SHISA9: variants seen among roughly 807,000 people sequenced by gnomAD.
SHISA9 encodes protein shisa-9.
In SHISA9, 13 loss-of-function variants were observed where a neutral mutation model predicts 38.0. The ratio of observed to expected loss-of-function variants is 0.34; its 90% CI spans 0.22 to 0.54. The LOEUF (loss-of-function observed/expected upper bound fraction) is 0.54. Ranked by LOEUF, SHISA9 falls within the 20% of genes least tolerant of loss-of-function variation. SHISA9 has a pLI of 0.91. For missense variants in SHISA9, 538 were observed against 575.8 expected, an observed-to-expected ratio of 0.93 and a Z score of 0.67; for synonymous variants, 275 against 242.0, an observed-to-expected ratio of 1.14 and a Z score of -1.27.
intron 2 of SHISA9, among the ~76,000 whole-genome samples, chr16:13,040,630 T>C (rs1320710620): frequency 6.6e-6 from 1 of 152,148 alleles, no homozygotes; most frequent in Non-Finnish European, 1.5e-5. Context: ...CATCTACTTT[T>C]CCCCCTTGCT....
At chr16:13,251,646 G>C in the SHISA9 span, among the ~76,000 whole-genome samples, 28 of 152,250 alleles carry the variant, frequency 1.8e-4, no homozygotes, top group African/African-American at 6.7e-4. Flanking sequence ...TGGTTACCAG[G>C]TCCATAAAGT....
rs1004848000 is a variant in SHISA9 at position 12,908,446 on chromosome 16, C to T, written c.563+5819C>T. ...TGCCATAAGCTTATGTGTAAATTCT[C>T]GTTTAATTTCATACCCTTCCCCCAT... On this transcript the variant is annotated intron_variant, in intron 1 of 4. Transcript: ENST00000558583. 36 of 1,550,238 alleles carry T rather than the reference C, an allele frequency of 2.3e-5. No homozygotes were observed. In the African/African-American group the frequency reaches 2.5e-4, roughly 11 times the overall value.
chr16:13,377,479 C>T, the SHISA9 span, among the ~76,000 whole-genome samples: 3 of 152,156 alleles, frequency 2.0e-5, no homozygotes, highest in Admixed American at 6.5e-5. Context: ...GCCTCTGTTA[C>T]CTGGACTGCT....
At chr16:13,290,575 TA>T in the SHISA9 span, among the ~76,000 whole-genome samples, 7 of 152,176 alleles carry the variant, frequency 4.6e-5, no homozygotes, top group Non-Finnish European at 1.0e-4. Flanking sequence ...TGAATCCAAC[TA>T]AACCATTAAG....
At position 13,233,792 on chromosome 16, in the gene SHISA9, C is replaced by T. The variant is rs374675750; in HGVS notation, c.896-1238C>T. The stretch of plus-strand genomic sequence containing the variant: ...TTGGGAGGCCAAGGTGGGAGGATTG[C>T]TTGAGCCCCGGAGTTCAAGACCAGC... On this transcript the variant is annotated intron_variant, in intron 4 of 4. Transcript: ENST00000558583. Among the ~76,000 whole-genome samples the T allele has an allele frequency of 7.2e-5, 11 of 152,292 alleles. No individual in the cohort carries two copies. The East Asian group carries it at 1.9e-3, about 27-fold the overall frequency.
At chr16:12,933,871 C>A (rs2071493358) in intron 2 of SHISA9, among the ~76,000 whole-genome samples, 1 of 151,964 alleles carries the variant, frequency 6.6e-6, no homozygotes, top group Non-Finnish European at 1.5e-5. Context: ...GAAGACTGTT[C>A]ACACAGCCAG....
chr16:13,217,061 G>A (rs2142069315), intron 4 of SHISA9, among the ~76,000 whole-genome samples: 1 of 151,628 alleles, frequency 6.6e-6, no homozygotes, highest in East Asian at 1.9e-4. Flanking sequence ...AACGAGGTCA[G>A]AGGATCGAGA....
At chr16:13,446,342 G>C in the SHISA9 span, among the ~76,000 whole-genome samples, 1 of 152,130 alleles carries the variant, frequency 6.6e-6, no homozygotes, top group Non-Finnish European at 1.5e-5. Flanking sequence ...AACATTTACT[G>C]AGTCCCTAAT....
the SHISA9 span, among the ~76,000 whole-genome samples, chr16:13,534,909 GATGA>G: frequency 6.6e-6 from 1 of 151,802 alleles, no homozygotes; most frequent in African/African-American, 2.4e-5. Flanking sequence ...CCTATATGTT[GATGA>G]TCCCAGAAAT....
chr16:13,264,323 C>A, the SHISA9 span, among the ~76,000 whole-genome samples: 1 of 151,908 alleles, frequency 6.6e-6, no homozygotes, highest in Admixed American at 6.6e-5. Context: ...TACAGGTGGA[C>A]GCCACCATGC....
chr16:13,220,066 C>T (rs2051208071), intron 4 of SHISA9, among the ~76,000 whole-genome samples: 2 of 152,170 alleles, frequency 1.3e-5, no homozygotes, highest in African/African-American at 4.8e-5. Flanking sequence ...TCAGCTACTG[C>T]CACAATAACA....
At chr16:13,087,635 T>A (rs2073727929) in intron 2 of SHISA9, among the ~76,000 whole-genome samples, 1 of 152,242 alleles carries the variant, frequency 6.6e-6, no homozygotes, top group Admixed American at 6.5e-5. Context: ...TTTTGGGAAG[T>A]GTCTGTTCAT....
the SHISA9 span, among the ~76,000 whole-genome samples, chr16:13,271,539 G>C: frequency 9.2e-5 from 14 of 152,072 alleles, no homozygotes; most frequent in African/African-American, 3.4e-4. Context: ...CCTACCATGG[G>C]ATATTCTTCC....
intron 2 of SHISA9, among the ~76,000 whole-genome samples, chr16:13,076,244 T>C (rs902926243): frequency 2.0e-5 from 3 of 152,150 alleles, no homozygotes; most frequent in African/African-American, 7.2e-5. Flanking sequence ...TTGGCCAGGC[T>C]GGTCTCAAAC....
the SHISA9 span, among the ~76,000 whole-genome samples, chr16:13,275,780 C>T: frequency 6.6e-6 from 1 of 151,576 alleles, no homozygotes; most frequent in Non-Finnish European, 1.5e-5. Flanking sequence ...CTTTATTATC[C>T]TTTTAATGTC....
intron 2 of SHISA9, among the ~76,000 whole-genome samples, chr16:13,131,993 C>T (rs2050310519): frequency 6.6e-6 from 1 of 152,152 alleles, no homozygotes; most frequent in Non-Finnish European, 1.5e-5. Flanking sequence ...CAGCTTTTTT[C>T]CTGCAAAAAC....
intron 2 of SHISA9, among the ~76,000 whole-genome samples, chr16:12,918,251 G>A (rs894853608): frequency 1.3e-5 from 2 of 152,134 alleles, no homozygotes; most frequent in Non-Finnish European, 2.9e-5. Context: ...TCCGATTCTG[G>A]CTTTAATGGA....
chr16:13,543,228 A>G, the SHISA9 span, among the ~76,000 whole-genome samples: 7 of 152,190 alleles, frequency 4.6e-5, no homozygotes, highest in Admixed American at 1.3e-4. Context: ...TATATACAGT[A>G]CAATGTGGTA....
intron 1 of SHISA9, among the ~76,000 whole-genome samples, chr16:12,912,276 C>A (rs1161289489): frequency 6.6e-6 from 1 of 152,140 alleles, no homozygotes; most frequent in Non-Finnish European, 1.5e-5. Context: ...GGAAGGGCTG[C>A]CCTGGGGAAA....
Sources: gnomAD v4.1 joint callset for allele counts (sites outside exome capture counted in the v4.1 genomes callset) on GRCh38, gnomAD v4.1.1 for gene constraint, MANE v1.5 for transcripts, NCBI Gene and HGNC (gene_info 2026-07-23, HGNC 2026-07-21) for gene names.